DOCK3: variants seen among roughly 807,000 people sequenced by gnomAD.
DOCK3 encodes dedicator of cytokinesis 3.
DOCK3 carries 60 observed loss-of-function variants against 265.6 expected under a neutral mutation model. The observed-to-expected ratio is 0.23, with a 90% confidence interval of 0.18 to 0.28. The LOEUF is 0.28. Among genes scored for constraint, DOCK3 ranks in the 10% least tolerant of loss-of-function variants. DOCK3 has a pLI of 1.00. For synonymous variants in DOCK3, 881 were observed against 938.0 expected (o/e 0.94, Z 1.11); for missense variants, 1,981 against 2,594.3 (o/e 0.76, Z 5.14).
chr3:50,958,114 T>C (rs1240196696), intron 5 of DOCK3, among the ~76,000 whole-genome samples: 1 of 152,232 alleles, frequency 6.6e-6, no homozygotes, highest in African/African-American at 2.4e-5. Flanking sequence ...GTCCCACTGC[T>C]ATTGTCTGGA....
At chr3:50,693,530 CTTTTT>C (rs35261130) in intron 1 of DOCK3, among the ~76,000 whole-genome samples, 1 of 64,274 alleles carries the variant, frequency 1.6e-5, no homozygotes, top group African/African-American at 6.1e-5. Flanking sequence ...ATTTCCTTTC[CTTTTT>C]TTTTTTTTTT....
intron 2 of DOCK3, among the ~76,000 whole-genome samples, chr3:50,826,060 G>A (rs2044738812): frequency 6.6e-6 from 1 of 151,904 alleles, no homozygotes; most frequent in African/African-American, 2.4e-5. Context: ...ATGACCTTCA[G>A]CAACATTCTT....
intron 37 of DOCK3, 102 bp from the exon 38 acceptor site, chr3:51,341,135 C>T: frequency 7.1e-7 from 1 of 1,400,194 alleles, no homozygotes; most frequent in South Asian, 1.5e-5. Flanking sequence ...CTGCACATGA[C>T]TTGCGCTGGC....
rs2088817903 is a variant in DOCK3 at position 51,383,848 on chromosome 3, G to A, written c.*2289G>A. 6.6e-6 allele frequency: 1 copy of A among 152,628 alleles called. No homozygotes were observed. The highest frequency in any genetic ancestry group is 6.5e-5 in the Admixed American group (1 of 15,280). The allele number at this position is 152,628 out of a possible 1,614,324, so 9.5% of individuals were successfully genotyped here. On this transcript the variant is annotated 3_prime_UTR_variant, in exon 53 of 53. Transcript: ENST00000266037. ...CAGGAATTTGAGCAAAAAATGTATA[G>A]AGTGTGATGTCCAATTGGTATTCAG... is the stretch of plus-strand genomic sequence containing the variant.
intron 22 of DOCK3, among the ~76,000 whole-genome samples, chr3:51,251,997 CT>C (rs1182226525): frequency 4.6e-5 from 7 of 152,120 alleles, no homozygotes; most frequent in Non-Finnish European, 7.3e-5. Flanking sequence ...GGTTTTAGGT[CT>C]AACATTTAAG....
intron 5 of DOCK3, among the ~76,000 whole-genome samples, chr3:51,052,237 G>T (rs1013194180): frequency 1.3e-5 from 2 of 152,116 alleles, no homozygotes; most frequent in Non-Finnish European, 2.9e-5. Context: ...TGGGTGCAGT[G>T]GCTCATGCCC....
chr3:50,773,653 C>T (rs1257657070), intron 1 of DOCK3, among the ~76,000 whole-genome samples: 1 of 152,054 alleles, frequency 6.6e-6, no homozygotes, highest in Non-Finnish European at 1.5e-5. Context: ...TTATGCAATT[C>T]ATTGTAGTTT....
intron 4 of DOCK3, among the ~76,000 whole-genome samples, chr3:50,921,446 C>T (rs916483423): frequency 8.5e-5 from 13 of 152,084 alleles, no homozygotes; most frequent in Admixed American, 4.6e-4. Context: ...GTTAGCCATT[C>T]GTCTAATCTT....
intron 9 of DOCK3, among the ~76,000 whole-genome samples, chr3:51,122,615 A>G (rs535447358): frequency 1.3e-5 from 2 of 152,318 alleles, no homozygotes; most frequent in Admixed American, 6.5e-5. Flanking sequence ...TAATACTCAT[A>G]TTGATAAGGC....
At chr3:50,912,286 C>T (rs1183458840) in intron 4 of DOCK3, among the ~76,000 whole-genome samples, 1 of 152,018 alleles carries the variant, frequency 6.6e-6, no homozygotes, top group African/African-American at 2.4e-5. Context: ...CTTACTTTCT[C>T]CCAAACAAGC....
Position 51,357,584 on chromosome 3 carries a change from C to CA in DOCK3, c.4684-167dup, listed in dbSNP as rs869305555. Among the ~76,000 whole-genome samples the CA allele has an allele frequency of 4.6e-5, 7 of 152,012 alleles. No homozygotes were observed. The East Asian group carries it at 7.7e-4, about 17-fold the overall frequency. On this transcript the variant is annotated intron_variant, in intron 44 of 52. Transcript: ENST00000266037. ...TTGGCCACGTTCAGTCCTTCTCAGA[C>CA]AAAAAAACACACCTCTAATTGCCAG...
intron 5 of DOCK3, among the ~76,000 whole-genome samples, chr3:50,982,283 G>A (rs1216653224): frequency 1.3e-5 from 2 of 152,236 alleles, no homozygotes; most frequent in Non-Finnish European, 2.9e-5. Flanking sequence ...TTGATAGAGA[G>A]GTCATATTCT....
At chr3:51,237,826 G>T (rs12495561) in intron 21 of DOCK3, among the ~76,000 whole-genome samples, 11,005 of 152,086 alleles carry the variant, frequency 0.072, 996 homozygotes, top group East Asian at 0.32. Context: ...CCAGAACTCT[G>T]TCCATCTCCA....
intron 5 of DOCK3, among the ~76,000 whole-genome samples, chr3:51,028,048 T>C (rs1321291716): frequency 6.6e-6 from 1 of 152,178 alleles, no homozygotes; most frequent in East Asian, 1.9e-4. Context: ...TTGTACCTTT[T>C]TGTGCTTTTG....
chr3:51,360,498 C>A lies in DOCK3; in HGVS notation c.4885-13C>A. ...TCTTTACTCTCTATGAAGGGGCATT[C>A]ATTTCTCAACAGGAGTTTCCAGGTT... On this transcript the variant is annotated splice_polypyrimidine_tract_variant and intron_variant, in intron 46 of 52. Transcript: ENST00000266037. 6.2e-7 allele frequency: 1 copy of A among 1,606,228 alleles called. No homozygotes were observed. The highest frequency in any genetic ancestry group is 1.3e-5 in the African/African-American group (1 of 74,946).
intron 11 of DOCK3, among the ~76,000 whole-genome samples, chr3:51,160,078 A>G (rs2086056654): frequency 6.6e-6 from 1 of 152,242 alleles, no homozygotes; most frequent in South Asian, 2.1e-4. Flanking sequence ...TCCACTTTCT[A>G]AGACTACTCT....
intron 9 of DOCK3, among the ~76,000 whole-genome samples, chr3:51,141,220 G>A (rs1160585333): frequency 6.9e-6 from 1 of 145,622 alleles, no homozygotes; most frequent in Non-Finnish European, 1.5e-5. Context: ...AACAAGTGGT[G>A]CCAATATTTT....
At position 50,795,201 on chromosome 3, in the gene DOCK3, A is replaced by G. The variant is rs535859949; in HGVS notation, c.121+16443A>G. On this transcript the variant is annotated intron_variant, in intron 2 of 52. Transcript: ENST00000266037. ...TTTGACTTTGGAGAATCTGATGATT[A>G]TATATCTTGGAGATGATCTTCTTGT... is the stretch of plus-strand genomic sequence containing the variant. Among the ~76,000 whole-genome samples, 6 of 152,232 alleles carry G rather than the reference A, an allele frequency of 3.9e-5. No homozygotes were observed. The South Asian group carries it at 1.2e-3, about 32-fold the overall frequency.
chr3:51,379,670 T>C, intron 51 of DOCK3: 1 of 979,100 alleles, frequency 1.0e-6, no homozygotes, highest in African/African-American at 1.7e-5. Context: ...TGGGCCATTC[T>C]CTGGGCCGAC....
Sources: gnomAD v4.1 joint callset for allele counts (sites outside exome capture counted in the v4.1 genomes callset) on GRCh38, gnomAD v4.1.1 for gene constraint, MANE v1.5 for transcripts, NCBI Gene and HGNC (gene_info 2026-07-23, HGNC 2026-07-21) for gene names.